Variants in PI4KA observed in about 807,000 individuals in gnomAD.
PI4KA encodes PI4-kinase alpha.
Under a neutral mutation model 271.4 loss-of-function variants are expected in PI4KA, and 122 were observed. The observed-to-expected ratio is 0.45, with a 90% CI of 0.39 to 0.52. The LOEUF is 0.52. Among genes scored for constraint, PI4KA ranks in the 20% least tolerant of loss-of-function variants. PI4KA has a pLI of 0.00. For synonymous variants in PI4KA, 1,041 were observed against 1,078.8 expected (o/e 0.96, Z 0.69); for missense variants, 1,969 against 2,769.1 (o/e 0.71, Z 6.48).
At chr22:20,807,590 AC>A in intron 9 of PI4KA, 132 bp from the exon 10 acceptor site, 1 of 621,138 alleles carries the variant, frequency 1.6e-6, no homozygotes, top group East Asian at 2.8e-5. Flanking sequence ...GTTTATCATG[AC>A]TCATCACTTG....
intron 19 of PI4KA, among the ~76,000 whole-genome samples, chr22:20,770,670 G>C (rs934787200): frequency 3.4e-5 from 5 of 148,974 alleles, no homozygotes; most frequent in African/African-American, 1.2e-4. Flanking sequence ...CAGGGCAAAG[G>C]TTCCAAAATT....
At chr22:20,844,550 C>A (rs1176141918) in intron 1 of PI4KA, among the ~76,000 whole-genome samples, 1 of 151,946 alleles carries the variant, frequency 6.6e-6, no homozygotes, top group Non-Finnish European at 1.5e-5. Flanking sequence ...ATACAACTAG[C>A]AAATAACACA....
At chr22:20,851,399 T>C (rs1464822875) in intron 1 of PI4KA, among the ~76,000 whole-genome samples, 1 of 152,048 alleles carries the variant, frequency 6.6e-6, no homozygotes, top group African/African-American at 2.4e-5. Context: ...TGGAGTGCCG[T>C]GGTGCAATCT....
chr22:20,858,777 G>A lies in PI4KA; in HGVS notation c.-52C>T, dbSNP rs936211945. On this transcript the variant is annotated 5_prime_UTR_variant, in exon 1 of 55. Transcript: ENST00000255882. ...CCGGCTCCCCGCTCCTGGCCCGCGA[G>A]CGCCCGACCTCAGGGCGCAGGCGTA... 1.5e-6 allele frequency: 2 copies of A among 1,367,136 alleles called. No individual in the cohort carries two copies. The highest frequency in any genetic ancestry group is 1.9e-6 in the Non-Finnish European group (2 of 1,056,076). The allele number at this position is 1,367,136 out of a possible 1,614,324, so 84.7% of individuals were successfully genotyped here. A position where few individuals can be genotyped will look rare whatever the true frequency, so the allele number is the denominator to read the frequency against.
chr22:20,767,838 T>C (rs1293229178), intron 19 of PI4KA, among the ~76,000 whole-genome samples: 1 of 151,876 alleles, frequency 6.6e-6, no homozygotes, highest in African/African-American at 2.4e-5. Flanking sequence ...TTTCACCATG[T>C]TGGCCAGGCT....
rs769281017 is a variant in PI4KA, at chr22:20,838,595, T to G, written c.273+20A>C. ...ACCCCCTTTTACAATGAAGAAACTT[T>G]TAATTTCATGAAGACTTACCTGAAG... On this transcript the variant is annotated intron_variant, in intron 2 of 54. Coordinates refer to ENST00000255882, the MANE Select transcript of PI4KA (RefSeq NM_058004.4). 6.3e-6 allele frequency: 9 copies of G among 1,435,964 alleles called. No individual in the cohort carries two copies. The East Asian group carries it at 2.0e-4, about 33-fold the overall frequency. The allele number at this position is 1,435,964 out of a possible 1,614,324, so 89.0% of individuals were successfully genotyped here.
At position 20,712,676 on chromosome 22, in the gene PI4KA, C is replaced by T; in HGVS notation, c.5676+17G>A. 6.4e-7 allele frequency: 1 copy of T among 1,553,580 alleles called. No individual in the cohort carries two copies. Among genetic ancestry groups the T allele is most frequent in the Non-Finnish European group, 8.7e-7 (1 of 1,145,578 alleles). ...GGTGCCCAGGGCTGCCCTACTGGCT[C>T]CACTCAGGGAACTTACCCCAGGGGC... On this transcript the variant is annotated intron_variant, in intron 49 of 54. Coordinates refer to ENST00000255882, the MANE Select transcript of PI4KA (RefSeq NM_058004.4).
intron 32 of PI4KA, among the ~76,000 whole-genome samples, chr22:20,737,496 C>T (rs1406908391): frequency 2.0e-5 from 3 of 152,192 alleles, no homozygotes; most frequent in African/African-American, 4.8e-5. Flanking sequence ...AGTTCAAGGG[C>T]ACCTGGACTA....
At chr22:20,740,061 CAAAAAA>C (rs59323542) in intron 32 of PI4KA, among the ~76,000 whole-genome samples, 2 of 73,372 alleles carry the variant, frequency 2.7e-5, no homozygotes, top group Non-Finnish European at 5.2e-5. Flanking sequence ...GACCCCATCT[CAAAAAA>C]AAAAAAAAAA....
In PI4KA at chr22:20,824,846, C is replaced by T. The variant is rs113049845; in HGVS notation, c.368-432G>A. On this transcript the variant is annotated intron_variant, in intron 3 of 54. Coordinates refer to ENST00000255882, the MANE Select transcript of PI4KA (RefSeq NM_058004.4). ...AGCACTTTTGGGGGGCCAAGGCAGACGGATCACCTGAGGTCGAGTTCAAGA... is the reference window on the plus strand; with the variant it reads ...AGCACTTTTGGGGGGCCAAGGCAGATGGATCACCTGAGGTCGAGTTCAAGA... Among the ~76,000 whole-genome samples the T allele has an allele frequency of 9.0e-3, 1,365 of 151,254 alleles. 23 individuals carry two copies. The highest frequency in any genetic ancestry group is 0.03 in the African/African-American group (1,232 of 41,214).
intron 14 of PI4KA, among the ~76,000 whole-genome samples, 196 bp from the exon 15 acceptor site, chr22:20,799,962 C>T (rs905145175): frequency 2.0e-5 from 3 of 152,156 alleles, no homozygotes; most frequent in South Asian, 2.1e-4. Context: ...ATGTCTCAGT[C>T]GGAAACAATA....
intron 2 of PI4KA, among the ~76,000 whole-genome samples, chr22:20,834,961 G>A (rs1433886405): frequency 6.6e-6 from 1 of 152,194 alleles, no homozygotes; most frequent in African/African-American, 2.4e-5. Context: ...CTCTCCAGGA[G>A]GTACACGTGT....
Position 20,734,443 on chromosome 22 carries a change from T to C in PI4KA, c.3852A>G (p.Gln1284=), listed in dbSNP as rs1351818908. The C allele has an allele frequency of 2.5e-6, 4 of 1,611,166 alleles. No homozygotes were observed. In the South Asian group the frequency reaches 3.3e-5, roughly 13 times the overall value. The change falls in exon 33 of 55, where the codon CAA becomes CAG. Residue 1284 remains glutamine (Q), a synonymous_variant. Transcript: ENST00000255882. Reference sequence around the variant, plus strand: ...TCACTTCGGGGGGACAGGGTTTGGGTTGACTTGCTTCCGAGGCAGCCAGGG... The same window carrying C: ...TCACTTCGGGGGGACAGGGTTTGGGCTGACTTGCTTCCGAGGCAGCCAGGG... ...ADPLAASEAS[Q]PKPCPPEVTP...
intron 48 of PI4KA, 171 bp downstream of exon 48, chr22:20,713,110 G>A: frequency 2.9e-6 from 2 of 694,350 alleles, no homozygotes; most frequent in Admixed American, 2.3e-5. Context: ...GGGCTGGAAG[G>A]AGAGGCCTCT....
intron 19 of PI4KA, chr22:20,787,518 T>C (rs999765556): frequency 1.2e-5 from 3 of 244,242 alleles, no homozygotes; most frequent in African/African-American, 4.5e-5. Context: ...GCACCATTCT[T>C]GATGTCCAGG....
chr22:20,728,345 T>C (rs961574752), intron 39 of PI4KA, among the ~76,000 whole-genome samples: 1 of 152,262 alleles, frequency 6.6e-6, no homozygotes, highest in Non-Finnish European at 1.5e-5. Flanking sequence ...ATTAGTGTTT[T>C]TTAAAAAGAG....
At position 20,804,375 on chromosome 22, in the gene PI4KA, T is replaced by G. The variant is rs376534020; in HGVS notation, c.1386A>C (p.Leu462=). Residue 462 remains leucine, a synonymous_variant, in exon 12 of 55, where the codon CTA becomes CTC. Transcript: ENST00000255882. The part of the protein sequence containing the change: ...EQGAENLCIK[L]SEKLQSKTSS... ...ACGTCTTGGACTGCAGCTTCTCAGA[T>G]AGCTTGATGCAAAGGTTTTCTGCAC... The G allele has an allele frequency of 1.2e-6, 2 of 1,613,922 alleles. No individual in the cohort carries two copies. The highest frequency in any genetic ancestry group is 1.7e-5 in the Admixed American group (1 of 60,026).
At chr22:20,718,646 G>T in intron 44 of PI4KA, 47 bp downstream of exon 44, 17 of 1,601,242 alleles carry the variant, frequency 1.1e-5, no homozygotes, top group Non-Finnish European at 1.4e-5. Flanking sequence ...AAGCTGCAGG[G>T]ACTGGAAGGA....
chr22:20,828,770 G>T (rs1324510197), intron 3 of PI4KA, among the ~76,000 whole-genome samples: 1 of 152,068 alleles, frequency 6.6e-6, no homozygotes, highest in African/African-American at 2.4e-5. Context: ...GGCCAGGATG[G>T]TCTCAATCTC....
Sources: allele counts gnomAD v4.1 joint callset (sites outside exome capture counted in the v4.1 genomes callset), GRCh38; gene constraint gnomAD v4.1.1; transcripts MANE v1.5; gene names NCBI Gene and HGNC (gene_info 2026-07-23, HGNC 2026-07-21).